Variants in CNTNAP2 observed in about 807,000 individuals in gnomAD.
CNTNAP2 encodes contactin associated protein 2.
In CNTNAP2, 98 loss-of-function variants were observed where a neutral mutation model predicts 155.2. That is an observed-to-expected ratio of 0.63 (90% CI 0.54 to 0.75). The LOEUF is 0.75. Among genes scored for constraint, CNTNAP2 ranks in the 30% least tolerant of loss-of-function variants. The probability of loss-of-function intolerance (pLI) is 0.00; values close to 1 mark genes in which losing one functional copy is unlikely to be tolerated. For missense variants in CNTNAP2, 1,727 were observed against 1,688.1 expected (o/e 1.02, Z -0.40); for synonymous variants, 651 against 631.2 (o/e 1.03, Z -0.47).
chr7:146,746,850 T>G (rs1801817214), intron 1 of CNTNAP2, among the ~76,000 whole-genome samples: 1 of 152,184 alleles, frequency 6.6e-6, no homozygotes, highest in Non-Finnish European at 1.5e-5. Flanking sequence ...TGCTTATAGT[T>G]GGATATTTGA....
chr7:146,965,255 G>A (rs928234001), intron 3 of CNTNAP2, among the ~76,000 whole-genome samples: 2 of 152,050 alleles, frequency 1.3e-5, no homozygotes, highest in South Asian at 4.1e-4. Context: ...AGAGCATAAT[G>A]GAACCCTGGG....
chr7:146,720,105 CTT>C (rs1442403199), intron 1 of CNTNAP2, among the ~76,000 whole-genome samples: 1 of 151,422 alleles, frequency 6.6e-6, no homozygotes, highest in Non-Finnish European at 1.5e-5. Context: ...TCTGTGGACT[CTT>C]GTTTTATTAC....
At chr7:146,426,400 T>C (rs910071902) in intron 1 of CNTNAP2, among the ~76,000 whole-genome samples, 17 of 112,688 alleles carry the variant, frequency 1.5e-4, no homozygotes, top group East Asian at 2.5e-4. Context: ...TATATATATA[T>C]ATATATATAC....
intron 4 of CNTNAP2, among the ~76,000 whole-genome samples, chr7:147,101,138 A>G (rs1006957766): frequency 2.0e-4 from 31 of 152,330 alleles, no homozygotes; most frequent in African/African-American, 7.5e-4. Flanking sequence ...AGGAGCACAT[A>G]AAAAGAAAGA....
chr7:146,682,243 A>G (rs1208393054), intron 1 of CNTNAP2, among the ~76,000 whole-genome samples: 2 of 152,088 alleles, frequency 1.3e-5, no homozygotes, highest in African/African-American at 4.8e-5. Context: ...ATATGTATAT[A>G]TATATATTTT....
At chr7:146,629,692 T>C (rs904894819) in intron 1 of CNTNAP2, among the ~76,000 whole-genome samples, 1 of 152,164 alleles carries the variant, frequency 6.6e-6, no homozygotes. Context: ...AGGCCGTATA[T>C]TTAAAAAACA....
At chr7:148,179,653 A>G (rs1562985975) in intron 18 of CNTNAP2, among the ~76,000 whole-genome samples, 1 of 149,984 alleles carries the variant, frequency 6.7e-6, no homozygotes, top group African/African-American at 2.5e-5. Context: ...AAGAGTGAGA[A>G]AGAGAGAGAA....
chr7:146,689,437 GA>G lies in CNTNAP2; in HGVS notation c.98-84824del, dbSNP rs60409436. Among the ~76,000 whole-genome samples, 226 of 148,862 alleles carry G rather than the reference GA, an allele frequency of 1.5e-3. 2 individuals carry two copies. Among genetic ancestry groups the G allele is most frequent in the African/African-American group, 5.0e-3 (205 of 40,596 alleles). ...CTCTCTGGAAATTTAGAAAACAAAG[GA>G]AAAAAAAAATTGAGGAAGTGGAAAA... On this transcript the variant is annotated intron_variant, in intron 1 of 23. Coordinates refer to ENST00000361727, the MANE Select transcript of CNTNAP2 (RefSeq NM_014141.6).
chr7:146,829,359 G>C (rs1250179438), intron 2 of CNTNAP2, among the ~76,000 whole-genome samples: 1 of 151,878 alleles, frequency 6.6e-6, no homozygotes, highest in Non-Finnish European at 1.5e-5. Context: ...AATAACTTTT[G>C]TTAGTGTAGT....
intron 13 of CNTNAP2, among the ~76,000 whole-genome samples, chr7:147,647,322 C>T (rs1446417015): frequency 6.7e-6 from 1 of 150,162 alleles, no homozygotes. Context: ...TTTTTTTTAA[C>T]GAGGGTCAGA....
At chr7:146,954,200 C>T (rs567101720) in intron 3 of CNTNAP2, among the ~76,000 whole-genome samples, 2 of 151,996 alleles carry the variant, frequency 1.3e-5, no homozygotes, top group Non-Finnish European at 2.9e-5. Flanking sequence ...AATGGTTTCT[C>T]CTAGTGTTTA....
chr7:147,758,119 C>T (rs760652552), intron 13 of CNTNAP2, among the ~76,000 whole-genome samples: 2 of 152,102 alleles, frequency 1.3e-5, no homozygotes, highest in Admixed American at 6.5e-5. Context: ...CAAAATTCTT[C>T]GCTGTAAGAT....
intron 12 of CNTNAP2, among the ~76,000 whole-genome samples, chr7:147,616,436 A>G (rs1428199726): frequency 6.6e-6 from 1 of 152,196 alleles, no homozygotes; most frequent in Non-Finnish European, 1.5e-5. Context: ...ACAAGAAACT[A>G]CAATATCTGT....
chr7:146,514,965 G>A (rs1351409072), intron 1 of CNTNAP2, among the ~76,000 whole-genome samples: 2 of 151,946 alleles, frequency 1.3e-5, no homozygotes, highest in African/African-American at 4.8e-5. Flanking sequence ...CAGGGCTCTT[G>A]CAAAAGCTTG....
intron 11 of CNTNAP2, among the ~76,000 whole-genome samples, chr7:147,517,967 A>G (rs768748285): frequency 5.3e-5 from 8 of 152,186 alleles, no homozygotes; most frequent in South Asian, 2.1e-4. Context: ...AACTCAATCT[A>G]TTGTCCCAGG....
intron 13 of CNTNAP2, chr7:147,643,487 C>T (rs1427358131): frequency 1.3e-5 from 2 of 152,150 alleles, no homozygotes; most frequent in Non-Finnish European, 2.9e-5. Flanking sequence ...CAAGAAAGAA[C>T]ACAATTTAAT....
chr7:146,765,541 G>T (rs1369425113), intron 1 of CNTNAP2, among the ~76,000 whole-genome samples: 1 of 152,134 alleles, frequency 6.6e-6, no homozygotes, highest in Non-Finnish European at 1.5e-5. Context: ...TCTCTGCAAG[G>T]TTGTGTTATG....
At chr7:148,070,234 A>G (rs1008227278) in intron 15 of CNTNAP2, among the ~76,000 whole-genome samples, 3 of 152,244 alleles carry the variant, frequency 2.0e-5, no homozygotes, top group African/African-American at 7.2e-5. Context: ...GGAAAAATAA[A>G]AACTGACAAT....
At chr7:146,911,814 A>C (rs1457549287) in intron 3 of CNTNAP2, among the ~76,000 whole-genome samples, 2 of 152,166 alleles carry the variant, frequency 1.3e-5, no homozygotes, top group African/African-American at 4.8e-5. Context: ...AATAATAAAA[A>C]AAATAAATAA....
Sources: gnomAD v4.1 joint callset for allele counts (sites outside exome capture counted in the v4.1 genomes callset) on GRCh38, gnomAD v4.1.1 for gene constraint, MANE v1.5 for transcripts, NCBI Gene and HGNC (gene_info 2026-07-23, HGNC 2026-07-21) for gene names.